Variants in GALNT10 observed in about 807,000 individuals in gnomAD.
GALNT10 encodes polypeptide N-acetylgalactosaminyltransferase 10.
Under a neutral mutation model 75.0 loss-of-function variants are expected in GALNT10, and 41 were observed. The ratio of observed to expected loss-of-function variants is 0.55; its 90% CI spans 0.43 to 0.71. The LOEUF (loss-of-function observed/expected upper bound fraction) is 0.71. Ranked by LOEUF, GALNT10 falls within the 30% of genes least tolerant of loss-of-function variation. GALNT10 has a pLI of 0.00. For synonymous variants in GALNT10, 302 were observed against 313.0 expected (o/e 0.96, Z 0.37); for missense variants, 727 against 818.5 (o/e 0.89, Z 1.36).
At chr5:154,227,712 T>C (rs996752272) in intron 1 of GALNT10, among the ~76,000 whole-genome samples, 37 of 152,230 alleles carry the variant, frequency 2.4e-4, no homozygotes, top group Admixed American at 2.0e-4. Context: ...TGGTGTTGTA[T>C]CTAAGATGTC....
At chr5:154,259,667 T>G (rs570216715) in intron 1 of GALNT10, among the ~76,000 whole-genome samples, 1 of 152,254 alleles carries the variant, frequency 6.6e-6, no homozygotes, top group East Asian at 1.9e-4. Flanking sequence ...ACTGAGTCAC[T>G]TCTGTTGAGC....
chr5:154,327,955 A>G (rs964549441), intron 3 of GALNT10, among the ~76,000 whole-genome samples: 1 of 152,192 alleles, frequency 6.6e-6, no homozygotes, highest in Non-Finnish European at 1.5e-5. Context: ...ACCAGTTTAC[A>G]AGAACTAAAG....
At chr5:154,211,176 G>A (rs1201089601) in intron 1 of GALNT10, among the ~76,000 whole-genome samples, 3 of 152,240 alleles carry the variant, frequency 2.0e-5, no homozygotes, top group African/African-American at 7.2e-5. Flanking sequence ...AGGCAGGAGG[G>A]CAGGAAAGGG....
intron 1 of GALNT10, among the ~76,000 whole-genome samples, chr5:154,216,959 G>GCTTCC (rs1353139581): frequency 6.6e-6 from 1 of 152,070 alleles, no homozygotes; most frequent in African/African-American, 2.4e-5. Flanking sequence ...TGTGAGAAAT[G>GCTTCC]CTTCCCTCTG....
At chr5:154,395,637 ACT>A (rs2113200879) in intron 7 of GALNT10, among the ~76,000 whole-genome samples, 1 of 152,186 alleles carries the variant, frequency 6.6e-6, no homozygotes, top group African/African-American at 2.4e-5. Context: ...TCTGGAACAA[ACT>A]CTCTGTGAGA....
At chr5:154,318,233 G>T (rs1249629779) in intron 3 of GALNT10, among the ~76,000 whole-genome samples, 2 of 152,186 alleles carry the variant, frequency 1.3e-5, no homozygotes, top group African/African-American at 4.8e-5. Flanking sequence ...ATGCAGACTT[G>T]CCCATTCCCT....
intron 1 of GALNT10, among the ~76,000 whole-genome samples, chr5:154,225,309 G>A (rs1162188056): frequency 6.7e-6 from 1 of 150,252 alleles, no homozygotes; most frequent in Admixed American, 6.6e-5. Context: ...AGCCAGAATC[G>A]TCTCGATCTC....
chr5:154,229,107 T>A (rs1753108399), intron 1 of GALNT10, among the ~76,000 whole-genome samples: 1 of 152,194 alleles, frequency 6.6e-6, no homozygotes, highest in African/African-American at 2.4e-5. Context: ...TGCATTTTTG[T>A]TAGTTTTTGT....
intron 1 of GALNT10, among the ~76,000 whole-genome samples, chr5:154,294,117 A>T (rs1266175309): frequency 6.6e-6 from 1 of 152,222 alleles, no homozygotes; most frequent in African/African-American, 2.4e-5. Context: ...AGGTGGGAGT[A>T]CAGCTTGAGC....
chr5:154,386,621 G>GCCCGGC, intron 7 of GALNT10, 191 bp downstream of exon 7: 1 of 387,272 alleles, frequency 2.6e-6, no homozygotes, highest in East Asian at 6.2e-5. Context: ...GTGTGGGAGG[G>GCCCGGC]AAGGGGAGTA....
intron 10 of GALNT10, 63 bp downstream of exon 10, chr5:154,413,068 T>C: frequency 9.7e-7 from 1 of 1,030,948 alleles, no homozygotes; most frequent in South Asian, 1.3e-5. Flanking sequence ...CCTGGGGTGC[T>C]GACACGGCCA....
intron 1 of GALNT10, among the ~76,000 whole-genome samples, chr5:154,222,943 G>T (rs1191512893): frequency 1.3e-5 from 2 of 152,188 alleles, no homozygotes; most frequent in African/African-American, 2.4e-5. Flanking sequence ...AAAATCTAGA[G>T]CATATGGGGT....
chr5:154,344,359 G>A lies in GALNT10; in HGVS notation c.568+14621G>A, dbSNP rs187542143. Reference sequence around the variant, plus strand: ...CCTGAGTAGCTGGGATTACAGGCGCGCACCACCATGCCCGGCTAATTTTTG... The same window carrying A: ...CCTGAGTAGCTGGGATTACAGGCGCACACCACCATGCCCGGCTAATTTTTG... On this transcript the variant is annotated intron_variant, in intron 4 of 11. Coordinates refer to ENST00000297107, the MANE Select transcript of GALNT10 (RefSeq NM_198321.4). Among the ~76,000 whole-genome samples the A allele has an allele frequency of 6.1e-3, 927 of 151,808 alleles. 5 individuals carry two copies. The highest frequency in any genetic ancestry group is 9.7e-3 in the Non-Finnish European group (659 of 67,928).
intron 6 of GALNT10, among the ~76,000 whole-genome samples, chr5:154,381,505 C>A (rs1168108587): frequency 6.6e-6 from 1 of 152,246 alleles, no homozygotes; most frequent in Admixed American, 6.5e-5. Context: ...CCCAAGCTCT[C>A]CCGCTGTATT....
intron 7 of GALNT10, among the ~76,000 whole-genome samples, chr5:154,396,023 C>T (rs1320744637): frequency 6.6e-6 from 1 of 152,052 alleles, no homozygotes; most frequent in Non-Finnish European, 1.5e-5. Context: ...GATGCTCAGG[C>T]GTGGGTGTGG....
At chr5:154,228,320 T>A (rs1457061785) in intron 1 of GALNT10, among the ~76,000 whole-genome samples, 3 of 152,238 alleles carry the variant, frequency 2.0e-5, no homozygotes, top group Admixed American at 6.5e-5. Context: ...GTATCATTGG[T>A]TGAGTAGACT....
chr5:154,379,480 C>T (rs1275477047), intron 5 of GALNT10, among the ~76,000 whole-genome samples: 1 of 152,246 alleles, frequency 6.6e-6, no homozygotes. Flanking sequence ...ACCAGGCTCC[C>T]ATTTCTGAGC....
intron 1 of GALNT10, among the ~76,000 whole-genome samples, chr5:154,253,286 G>A (rs887785358): frequency 1.3e-4 from 20 of 149,734 alleles, no homozygotes; most frequent in Non-Finnish European, 1.0e-4. Flanking sequence ...GCAAATTATC[G>A]CGAGGACAAA....
Position 154,292,975 on chromosome 5 carries a change from GT to G in GALNT10, c.160-1832del, listed in dbSNP as rs143787482. 2.0e-4 allele frequency among the ~76,000 whole-genome samples: 30 copies of G among 151,504 alleles called. No homozygotes were observed. The East Asian group carries it at 5.0e-3, about 25-fold the overall frequency. ...AAAGCATGCCGCCTTAGTTTTTGTA[GT>G]TTTTTTTTCCCCTCTCTAACCAAGA... is the stretch of plus-strand genomic sequence containing the variant. On this transcript the variant is annotated intron_variant, in intron 1 of 11. Transcript: ENST00000297107.
Sources: gnomAD v4.1 joint callset for allele counts (sites outside exome capture counted in the v4.1 genomes callset) on GRCh38, gnomAD v4.1.1 for gene constraint, MANE v1.5 for transcripts, NCBI Gene and HGNC (gene_info 2026-07-23, HGNC 2026-07-21) for gene names.